CHRNA7: variants seen among roughly 807,000 people sequenced by gnomAD.
CHRNA7 encodes the protein cholinergic receptor nicotinic alpha 7 subunit, also known as neuronal acetylcholine receptor subunit alpha-7.
A neutral mutation model predicts 48.0 loss-of-function variants in CHRNA7; 17 were observed. That is an observed-to-expected ratio of 0.35 (90% CI 0.24 to 0.53). The LOEUF is 0.53. Among genes scored for constraint, CHRNA7 ranks in the 20% least tolerant of loss-of-function variants. The pLI is 0.92. For missense variants in CHRNA7, 155 were observed against 577.7 expected (o/e 0.27, Z 7.50); for synonymous variants, 75 against 242.3 (o/e 0.31, Z 6.41).
chr15:32,150,136 C>T (rs1005285135), intron 4 of CHRNA7, among the ~76,000 whole-genome samples: 2 of 152,128 alleles, frequency 1.3e-5, no homozygotes, highest in Non-Finnish European at 1.5e-5. Flanking sequence ...ACTGCAGCCT[C>T]AAACTCCTGG....
intron 2 of CHRNA7, among the ~76,000 whole-genome samples, chr15:32,080,262 G>A (rs376966553): frequency 5.3e-5 from 8 of 152,060 alleles, no homozygotes; most frequent in Non-Finnish European, 8.8e-5. Flanking sequence ...TGTTGAAAAC[G>A]TCAAAATCAA....
chr15:32,041,572 G>A (rs183450176), intron 2 of CHRNA7, among the ~76,000 whole-genome samples: 1 of 152,354 alleles, frequency 6.6e-6, no homozygotes, highest in African/African-American at 2.4e-5. Flanking sequence ...GACAGGTACT[G>A]GCCTGTGGCC....
At chr15:32,155,141 TCA>T (rs1284608026) in intron 5 of CHRNA7, among the ~76,000 whole-genome samples, 1 of 59,082 alleles carries the variant, frequency 1.7e-5, no homozygotes, top group African/African-American at 8.1e-5. Flanking sequence ...CTCACAACCC[TCA>T]CACACACCAC....
intron 2 of CHRNA7, among the ~76,000 whole-genome samples, chr15:32,051,263 G>A (rs4779963): frequency 0.6 from 90,871 of 151,130 alleles, 31,406 homozygotes; most frequent in Non-Finnish European, 0.77. Flanking sequence ...TGGAGCCTAC[G>A]GAGGCAGGCA....
Position 32,121,985 on chromosome 15 carries a change from G to T in CHRNA7, c.350+10086G>T, listed in dbSNP as rs886156298. 2.6e-5 allele frequency among the ~76,000 whole-genome samples: 4 copies of T among 152,174 alleles called. No individual in the cohort carries two copies. In the East Asian group the frequency reaches 7.7e-4, roughly 29 times the overall value. ...CTGTCCCTGACGCCTGGCCACAGTC[G>T]CCTACTCTGGGCTGCTGTGTACCTT... On this transcript the variant is annotated intron_variant, in intron 4 of 9. Transcript: ENST00000306901.
chr15:32,044,651 C>T (rs1241348108), intron 2 of CHRNA7, among the ~76,000 whole-genome samples: 1 of 152,156 alleles, frequency 6.6e-6, no homozygotes, highest in Non-Finnish European at 1.5e-5. Flanking sequence ...ACATGTTCAC[C>T]ACAGCTTTCA....
At chr15:32,106,567 C>T (rs1466340465) in intron 3 of CHRNA7, among the ~76,000 whole-genome samples, 1 of 152,106 alleles carries the variant, frequency 6.6e-6, no homozygotes, top group African/African-American at 2.4e-5. Flanking sequence ...CCTCTGCAGC[C>T]AGTTTTCTCT....
chr15:32,042,369 T>A lies in CHRNA7; in HGVS notation c.195+11332T>A, dbSNP rs192918111. 1.4e-3 allele frequency among the ~76,000 whole-genome samples: 209 copies of A among 152,310 alleles called. 2 individuals are homozygous for A. The highest frequency in any genetic ancestry group is 4.7e-3 in the African/African-American group (196 of 41,572). The stretch of plus-strand genomic sequence containing the variant: ...GGTTAGACTCTGGTTAATTCATTTC[T>A]CCTGATGGCAGGCCTTATTAAAAAC... On this transcript the variant is annotated intron_variant, in intron 2 of 9. Transcript: ENST00000306901.
intron 9 of CHRNA7, among the ~76,000 whole-genome samples, chr15:32,164,913 TAAAAAAAAAA>T (rs1164824394): frequency 1.3e-3 from 20 of 15,956 alleles, no homozygotes; most frequent in African/African-American, 4.7e-3. Context: ...CTCCATCTCC[TAAAAAAAAAA>T]AAAAAAAAAA....
intron 2 of CHRNA7, among the ~76,000 whole-genome samples, chr15:32,070,471 A>G (rs940228829): frequency 6.6e-6 from 1 of 151,944 alleles, no homozygotes; most frequent in Non-Finnish European, 1.5e-5. Flanking sequence ...AAAGTTTTTA[A>G]TTTTCATACA....
intron 3 of CHRNA7, among the ~76,000 whole-genome samples, chr15:32,106,769 GCCTTCCTGGGT>G (rs2050676703): frequency 6.6e-6 from 1 of 152,186 alleles, no homozygotes; most frequent in Non-Finnish European, 1.5e-5. Context: ...TGATGTCCCA[GCCTTCCTGGGT>G]CCTTCTCTAA....
intron 3 of CHRNA7, among the ~76,000 whole-genome samples, chr15:32,105,455 GAGGAGGAGGAAGAGGAGGAGAGGAGGAA>G (rs1424389476): frequency 2.7e-5 from 4 of 150,276 alleles, no homozygotes; most frequent in Non-Finnish European, 5.9e-5. Context: ...GAAGGAGGAA[GAGGAGGAGGAAGAGGAGGAGAGGAGGAA>G]AGGAGGAGGA....
chr15:32,044,900 G>T (rs546867471), intron 2 of CHRNA7, among the ~76,000 whole-genome samples: 4 of 152,286 alleles, frequency 2.6e-5, no homozygotes, highest in Non-Finnish European at 5.9e-5. Context: ...TATTCCATAT[G>T]CCTCCTATTC....
intron 4 of CHRNA7, 130 bp downstream of exon 4, chr15:32,112,029 C>A: frequency 1.4e-6 from 1 of 694,190 alleles, no homozygotes; most frequent in South Asian, 1.7e-5. Context: ...CCCTACACGG[C>A]TTTCCGAGCG....
intron 2 of CHRNA7, among the ~76,000 whole-genome samples, chr15:32,080,152 A>G (rs1478444586): frequency 6.6e-6 from 1 of 152,234 alleles, no homozygotes; most frequent in African/African-American, 2.4e-5. Context: ...ATATTAACTC[A>G]GGGTGGATTA....
intron 4 of CHRNA7, among the ~76,000 whole-genome samples, chr15:32,117,059 C>T (rs2050884866): frequency 6.6e-6 from 1 of 152,142 alleles, no homozygotes; most frequent in Admixed American, 6.5e-5. Context: ...CTGGGGGAGC[C>T]AACCCAGGAC....
intron 2 of CHRNA7, among the ~76,000 whole-genome samples, chr15:32,093,539 T>C (rs2050416732): frequency 6.6e-6 from 1 of 152,172 alleles, no homozygotes; most frequent in African/African-American, 2.4e-5. Flanking sequence ...AACACCTTGG[T>C]CTGCCTTGCT....
At chr15:32,139,002 C>T (rs1360916896) in intron 4 of CHRNA7, among the ~76,000 whole-genome samples, 1 of 152,210 alleles carries the variant, frequency 6.6e-6, no homozygotes, top group Non-Finnish European at 1.5e-5. Context: ...GATCCACCTG[C>T]CTTAGCCTCC....
At chr15:32,113,701 G>A (rs967742793) in intron 4 of CHRNA7, among the ~76,000 whole-genome samples, 1 of 152,136 alleles carries the variant, frequency 6.6e-6, no homozygotes, top group African/African-American at 2.4e-5. Flanking sequence ...GCAGAATGAT[G>A]AGGATTCCTG....
Sources: gnomAD v4.1 joint callset for allele counts (sites outside exome capture counted in the v4.1 genomes callset) on GRCh38, gnomAD v4.1.1 for gene constraint, MANE v1.5 for transcripts, NCBI Gene and HGNC (gene_info 2026-07-23, HGNC 2026-07-21) for gene names.